The following ELOB variants were observed in gnomAD, a reference collection of about 807,000 sequenced individuals.
ELOB encodes elongin-B.
A neutral mutation model predicts 12.9 loss-of-function variants in ELOB; 3 were observed. The ratio of observed to expected loss-of-function variants is 0.23; its 90% confidence interval spans 0.11 to 0.60. ELOB has a LOEUF of 0.60. Among genes scored for constraint, ELOB ranks in the 20% least tolerant of loss-of-function variants. ELOB has a pLI of 0.89. For missense variants in ELOB, 126 were observed against 159.2 expected (o/e 0.79, Z 1.12); for synonymous variants, 84 against 67.4 (o/e 1.25, Z -1.21).
chr16:2,775,182 A>T (rs1442568133), intron 3 of ELOB, among the ~76,000 whole-genome samples: 8 of 152,248 alleles, frequency 5.3e-5, no homozygotes, highest in Middle Eastern at 3.4e-3. Flanking sequence ...CAGAGCACGG[A>T]GCCAGGCACT....
chr16:2,773,498 A>G (rs2068781417), intron 3 of ELOB, among the ~76,000 whole-genome samples: 1 of 152,056 alleles, frequency 6.6e-6, no homozygotes, highest in East Asian at 1.9e-4. Context: ...CATCTCCTTG[A>G]GTGGTAAGCT....
Position 2,771,417 on chromosome 16 carries a change from G to A in ELOB, c.*573C>T. On this transcript the variant is annotated 3_prime_UTR_variant, in exon 4 of 4. Transcript: ENST00000409906. ...TAAAAATGAGAAATGCAGGAACTGGGTCTGTAGACTGTTTATTAAAGGTGT... is the reference window on the plus strand; with the variant it reads ...TAAAAATGAGAAATGCAGGAACTGGATCTGTAGACTGTTTATTAAAGGTGT... 2 of 1,612,782 alleles carry A rather than the reference G, an allele frequency of 1.2e-6. No individual in the cohort carries two copies. The highest frequency in any genetic ancestry group is 1.7e-6 in the Non-Finnish European group (2 of 1,178,866).
intron 3 of ELOB, among the ~76,000 whole-genome samples, chr16:2,772,887 C>G (rs1334924064): frequency 6.6e-6 from 1 of 152,132 alleles, no homozygotes; most frequent in Non-Finnish European, 1.5e-5. Context: ...CTCAGACCTT[C>G]GCACTTGCTG....
intron 2 of ELOB, 83 bp from the exon 3 acceptor site, chr16:2,775,639 C>T (rs939504937): frequency 2.7e-6 from 3 of 1,111,704 alleles, no homozygotes; most frequent in Non-Finnish European, 1.3e-6. Context: ...CACGGGAAGT[C>T]AGAGGAGGGA....
intron 2 of ELOB, among the ~76,000 whole-genome samples, chr16:2,775,861 C>T (rs1292138607): frequency 6.6e-6 from 1 of 152,198 alleles, no homozygotes; most frequent in Non-Finnish European, 1.5e-5. Context: ...AGCTCTGTCA[C>T]CCTGGACTAG....
chr16:2,775,748 A>G (rs1412787261), intron 2 of ELOB, 192 bp from the exon 3 acceptor site: 4 of 473,300 alleles, frequency 8.5e-6, no homozygotes, highest in Admixed American at 4.0e-5. Flanking sequence ...AAAACCTCCC[A>G]GGGTGGGACT....
At position 2,771,431 on chromosome 16, in the gene ELOB, TATTA is replaced by T. The variant is rs761234252; in HGVS notation, c.*555_*558del. 1.2e-6 allele frequency: 2 copies of T among 1,613,856 alleles called. No homozygotes were observed. The highest frequency in any genetic ancestry group is 1.7e-6 in the Non-Finnish European group (2 of 1,179,814). On this transcript the variant is annotated 3_prime_UTR_variant, in exon 4 of 4. Transcript: ENST00000409906. ...GCAGGAACTGGGTCTGTAGACTGTT[TATTA>T]AAGGTGTGTTAAGGGGGCAGCCACT...
At position 2,771,577 on chromosome 16, in the gene ELOB, G is replaced by A. The variant is rs776511641; in HGVS notation, c.*413C>T. 6 of 1,614,126 alleles carry A rather than the reference G, an allele frequency of 3.7e-6. No homozygotes were observed. The highest frequency in any genetic ancestry group is 1.3e-5 in the African/African-American group (1 of 75,014). On this transcript the variant is annotated 3_prime_UTR_variant, in exon 4 of 4. Transcript: ENST00000409906. ...GGCTCCAGCTTGTGTTTCTGCTCTTGGCCATCGTCTGGGAGTGGACATGCA... is the reference window on the plus strand; with the variant it reads ...GGCTCCAGCTTGTGTTTCTGCTCTTAGCCATCGTCTGGGAGTGGACATGCA...
intron 3 of ELOB, among the ~76,000 whole-genome samples, chr16:2,773,031 C>A (rs184881716): frequency 3.3e-5 from 5 of 152,188 alleles, no homozygotes; most frequent in Admixed American, 3.3e-4. Flanking sequence ...GGGGCACTTA[C>A]CACTGGACAA....
intron 2 of ELOB, 190 bp from the exon 3 acceptor site, chr16:2,775,746 C>G (rs1008032943): frequency 4.2e-6 from 2 of 480,510 alleles, no homozygotes; most frequent in East Asian, 3.5e-5. Flanking sequence ...TCAAAACCTC[C>G]CAGGGTGGGA....
Position 2,777,031 on chromosome 16 carries a change from T to C in ELOB, c.100A>G (p.Ile34Val). The change falls in exon 2 of 4, where the codon ATC becomes GTC. Residue 34 changes from isoleucine (I) to valine (V), a missense_variant. Coordinates refer to ENST00000409906, the MANE Select transcript of ELOB (RefSeq NM_007108.4). ...VFELKRIVEG[I>V]LKRPPDEQRL... ...TGCTCGTCAGGAGGCCGCTTGAGGA[T>C]GCCCTCGACGATGCGCTTCAGTTCG... The C allele has an allele frequency of 1.9e-6, 3 of 1,604,712 alleles. No homozygotes were observed. The South Asian group carries it at 3.3e-5, about 18-fold the overall frequency.
chr16:2,776,500 G>C (rs1232158906), intron 2 of ELOB, among the ~76,000 whole-genome samples: 1 of 152,210 alleles, frequency 6.6e-6, no homozygotes, highest in African/African-American at 2.4e-5. Flanking sequence ...GAGGTCGGGA[G>C]GTAATAACAA....
intron 3 of ELOB, among the ~76,000 whole-genome samples, chr16:2,773,030 A>G (rs1490444234): frequency 1.3e-5 from 2 of 152,166 alleles, no homozygotes; most frequent in Non-Finnish European, 2.9e-5. Flanking sequence ...AGGGGCACTT[A>G]CCACTGGACA....
intron 3 of ELOB, among the ~76,000 whole-genome samples, chr16:2,773,051 T>C (rs1330877223): frequency 2.6e-5 from 4 of 152,318 alleles, no homozygotes; most frequent in South Asian, 2.1e-4. Context: ...AACTGCCCTT[T>C]TGACTGGCTC....
chr16:2,772,415 C>T (rs1483616544), intron 3 of ELOB: 1 of 205,276 alleles, frequency 4.9e-6, no homozygotes, highest in Non-Finnish European at 9.9e-6. Context: ...CATCACCCTT[C>T]ACCCAGAATA....
intron 1 of ELOB, 48 bp downstream of exon 1, chr16:2,777,189 C>T (rs746902594): frequency 2.0e-6 from 2 of 1,010,972 alleles, no homozygotes; most frequent in Non-Finnish European, 2.4e-6. Flanking sequence ...CAGCCGCCCC[C>T]CGCCGCCCCC....
At chr16:2,776,149 G>T (rs759877735) in intron 2 of ELOB, among the ~76,000 whole-genome samples, 6 of 152,192 alleles carry the variant, frequency 3.9e-5, no homozygotes, top group South Asian at 2.1e-4. Flanking sequence ...GTTTCAATGA[G>T]CTAGGAAGAA....
chr16:2,772,269 T>C (rs1230982907), intron 3 of ELOB, 167 bp from the exon 4 acceptor site: 1 of 778,804 alleles, frequency 1.3e-6, no homozygotes, highest in Non-Finnish European at 1.9e-6. Flanking sequence ...GCTACCCCCG[T>C]GGCCCCACGG....
At position 2,771,633 on chromosome 16, in the gene ELOB, G is replaced by A. The variant is rs761291670; in HGVS notation, c.*357C>T. On this transcript the variant is annotated 3_prime_UTR_variant, in exon 4 of 4. Coordinates refer to ENST00000409906, the MANE Select transcript of ELOB (RefSeq NM_007108.4). ...TGGGGGTGGGGGGCACTTAGAAGGA[G>A]AAAGGCCTAAAACTGGAATCTCTTG... is the stretch of plus-strand genomic sequence containing the variant. The A allele has an allele frequency of 5.9e-5, 96 of 1,613,542 alleles. 1 individual carries two copies. The South Asian group carries it at 9.4e-4, about 16-fold the overall frequency.
Sources: allele counts gnomAD v4.1 joint callset (sites outside exome capture counted in the v4.1 genomes callset), GRCh38; gene constraint gnomAD v4.1.1; transcripts MANE v1.5; gene names NCBI Gene and HGNC (gene_info 2026-07-23, HGNC 2026-07-21).